NEK1: variants seen among roughly 807,000 people sequenced by gnomAD.
NEK1 encodes the protein serine/threonine-protein kinase Nek1.
In NEK1, 137 loss-of-function variants were observed where a neutral mutation model predicts 182.1. That is an observed-to-expected ratio of 0.75 (90% CI 0.65 to 0.87). The LOEUF is 0.87. NEK1 is among the 40% of genes least tolerant of loss of function. NEK1 has a pLI of 0.00. For missense variants in NEK1, 1,391 were observed against 1,494.4 expected (o/e 0.93, Z 1.14); for synonymous variants, 513 against 492.2 (o/e 1.04, Z -0.56).
At chr4:169,589,061 T>A (rs1767997379) in intron 7 of NEK1, among the ~76,000 whole-genome samples, 1 of 152,244 alleles carries the variant, frequency 6.6e-6, no homozygotes, top group Admixed American at 6.5e-5. Context: ...CCATTCATGG[T>A]AAGTGTCCCA....
In NEK1 at chr4:169,555,969, A is replaced by T. The variant is rs1489268657; in HGVS notation, c.1393T>A (p.Trp465Arg). The T allele has an allele frequency of 1.2e-6, 2 of 1,613,582 alleles. No individual in the cohort carries two copies. Among genetic ancestry groups the T allele is most frequent in the African/African-American group, 2.7e-5 (2 of 74,916 alleles). Residue 465 changes from tryptophan to arginine, a missense_variant, in exon 17 of 36, where the codon TGG becomes AGG. This residue lies in a region of NEK1 where 1,216 missense variants were observed against 1,277.6 expected (regional missense o/e 0.95). Transcript: ENST00000507142. ...CCTCGACCATATATTTCTCTTTTCC[A>T]TTTAGCTTCATTATCTTCTGCTCTT... ...QQRAEDNEAK[W>R]KREIYGRGLP...
intron 2 of NEK1, among the ~76,000 whole-genome samples, chr4:169,607,344 T>C (rs528416932): frequency 2.6e-5 from 4 of 152,254 alleles, no homozygotes; most frequent in Middle Eastern, 3.4e-3. Context: ...AAGTTACTAA[T>C]AGAGGACTTG....
At chr4:169,507,684 T>C in intron 22 of NEK1, 31 bp downstream of exon 22, 1 of 1,552,152 alleles carries the variant, frequency 6.4e-7, no homozygotes, top group South Asian at 1.2e-5. Context: ...CAATTTTCTC[T>C]AAGAAAACCT....
rs1261801749 is a variant in NEK1 at position 169,580,908 on chromosome 4, A to G, written c.808-6T>C. 1 of 1,480,430 alleles carries G rather than the reference A, an allele frequency of 6.8e-7. No homozygotes were observed. The highest frequency in any genetic ancestry group is 9.1e-7 in the Non-Finnish European group (1 of 1,096,946). 91.7% of individuals were successfully genotyped at this position (1,480,430 alleles called of 1,614,324 possible). ...CAAAATTCTTCTGCAATAAGCTGAG[A>G]TTGAAAGAGAAAAAAATTAGAAAAG... is the stretch of plus-strand genomic sequence containing the variant. On this transcript the variant is annotated splice_region_variant and splice_polypyrimidine_tract_variant and intron_variant, in intron 10 of 35. Transcript: ENST00000507142.
At chr4:169,575,251 C>T (rs932211344) in intron 12 of NEK1, among the ~76,000 whole-genome samples, 2 of 152,324 alleles carry the variant, frequency 1.3e-5, no homozygotes, top group East Asian at 3.9e-4. Flanking sequence ...CATATTGCCC[C>T]TCAGCTCCAA....
At chr4:169,556,430 C>T (rs142219739) in intron 16 of NEK1, among the ~76,000 whole-genome samples, 177 of 152,036 alleles carry the variant, frequency 1.2e-3, no homozygotes, top group African/African-American at 3.6e-3. Context: ...AATTCTGTTC[C>T]GTTGTTTATG....
rs111242898 is a variant in NEK1 at position 169,568,732 on chromosome 4, C to T, written c.1021-6536G>A. 6.6e-5 allele frequency among the ~76,000 whole-genome samples: 10 copies of T among 151,974 alleles called. No homozygotes were observed. In the East Asian group the frequency reaches 1.2e-3, roughly 18 times the overall value. The stretch of plus-strand genomic sequence containing the variant: ...GGTGGATCACTTGAGGTCAGGAGTT[C>T]GAGGCCAGCCTGGCCAACATGGTGA... On this transcript the variant is annotated intron_variant, in intron 12 of 35. Transcript: ENST00000507142.
chr4:169,416,929 A>C (rs1037505215), intron 31 of NEK1, among the ~76,000 whole-genome samples: 1 of 152,220 alleles, frequency 6.6e-6, no homozygotes, highest in Non-Finnish European at 1.5e-5. Flanking sequence ...GATTAAGTGC[A>C]TTCATGAATA....
At chr4:169,408,281 A>G (rs1732986193) in intron 31 of NEK1, among the ~76,000 whole-genome samples, 2 of 152,300 alleles carry the variant, frequency 1.3e-5, no homozygotes, top group Middle Eastern at 3.4e-3. Context: ...TAATTTGACA[A>G]CTTACCTCCT....
At chr4:169,513,094 T>C (rs968872622) in intron 19 of NEK1, among the ~76,000 whole-genome samples, 3 of 152,160 alleles carry the variant, frequency 2.0e-5, no homozygotes, top group Non-Finnish European at 4.4e-5. Flanking sequence ...TCTCTTTCCA[T>C]ATAAATTTTA....
chr4:169,484,611 A>C (rs887001443), intron 23 of NEK1, among the ~76,000 whole-genome samples: 1 of 152,198 alleles, frequency 6.6e-6, no homozygotes, highest in African/African-American at 2.4e-5. Context: ...GGGAAGAATG[A>C]AACAAAAAAT....
At chr4:169,425,107 G>A (rs1736147209) in intron 30 of NEK1, among the ~76,000 whole-genome samples, 1 of 148,860 alleles carries the variant, frequency 6.7e-6, no homozygotes, top group African/African-American at 2.6e-5. Context: ...GGCCAAAGTG[G>A]GAGGATTGCT....
chr4:169,457,910 A>T (rs1455292634), intron 27 of NEK1, among the ~76,000 whole-genome samples: 4 of 152,096 alleles, frequency 2.6e-5, no homozygotes, highest in African/African-American at 9.7e-5. Context: ...TGATGAAAAA[A>T]TTAAAGAACA....
At chr4:169,491,985 C>CA (rs1247657501) in intron 23 of NEK1, among the ~76,000 whole-genome samples, 2 of 151,512 alleles carry the variant, frequency 1.3e-5, no homozygotes, top group Non-Finnish European at 2.9e-5. Context: ...AACTACAAAG[C>CA]AAAAAACTAC....
intron 33 of NEK1, among the ~76,000 whole-genome samples, chr4:169,401,247 G>C (rs1731628805): frequency 6.6e-6 from 1 of 152,170 alleles, no homozygotes; most frequent in Non-Finnish European, 1.5e-5. Context: ...TTATGAAAGA[G>C]AAAGTTTACA....
intron 2 of NEK1, among the ~76,000 whole-genome samples, chr4:169,611,550 G>C (rs57396792): frequency 6.6e-6 from 1 of 152,006 alleles, no homozygotes; most frequent in Non-Finnish European, 1.5e-5. Context: ...TCCTAAAGCA[G>C]ATCTTAAAGA....
chr4:169,574,732 C>T (rs1397319453), intron 12 of NEK1, among the ~76,000 whole-genome samples: 1 of 151,954 alleles, frequency 6.6e-6, no homozygotes, highest in African/African-American at 2.4e-5. Flanking sequence ...CAGGATCAGG[C>T]AGCAGGGAGA....
intron 18 of NEK1, among the ~76,000 whole-genome samples, chr4:169,551,631 A>AAAGAAAAGGAAAAGGTATGC (rs1419425463): frequency 6.6e-5 from 10 of 152,270 alleles, no homozygotes; most frequent in Admixed American, 3.3e-4. Context: ...ATCTTGGGAA[A>AAAGAAAAGGAAAAGGTATGC]AAGAAAAGGA....
intron 27 of NEK1, among the ~76,000 whole-genome samples, chr4:169,438,680 T>C (rs1738872128): frequency 6.6e-6 from 1 of 152,180 alleles, no homozygotes; most frequent in Non-Finnish European, 1.5e-5. Flanking sequence ...AAAAACTACC[T>C]CAGAATAGCT....
Sources: allele counts gnomAD v4.1 joint callset (sites outside exome capture counted in the v4.1 genomes callset), GRCh38; gene constraint gnomAD v4.1.1; regional missense constraint gnomAD v4.1.1; transcripts MANE v1.5; gene names NCBI Gene and HGNC (gene_info 2026-07-23, HGNC 2026-07-21).